Variants in NRG1 observed in about 807,000 individuals in gnomAD.
NRG1 encodes the protein pro-neuregulin-1, membrane-bound isoform.
NRG1 carries 18 observed loss-of-function variants against 63.8 expected under a neutral mutation model. The observed-to-expected ratio is 0.28, with a 90% confidence interval of 0.19 to 0.42. The LOEUF is 0.42. NRG1 is among the 10% of genes least tolerant of loss of function. NRG1 has a pLI of 1.00. For missense variants in NRG1, 762 were observed against 814.7 expected (o/e 0.94, Z 0.79); for synonymous variants, 302 against 301.3 (o/e 1.00, Z -0.02).
intron 1 of NRG1, chr8:32,099,828 A>G (rs929064419): frequency 3.9e-5 from 6 of 152,220 alleles, no homozygotes. Context: ...AAAAGCATGA[A>G]GTTGTACTGA....
chr8:32,271,667 G>A (rs1328433737), intron 1 of NRG1, among the ~76,000 whole-genome samples: 1 of 152,134 alleles, frequency 6.6e-6, no homozygotes, highest in Non-Finnish European at 1.5e-5. Flanking sequence ...GTACTTAAAG[G>A]CTGATCTTCT....
At chr8:31,811,043 AG>A (rs1177230781) in intron 1 of NRG1, among the ~76,000 whole-genome samples, 4 of 152,186 alleles carry the variant, frequency 2.6e-5, no homozygotes, top group Non-Finnish European at 4.4e-5. Flanking sequence ...AGCCTCCCCG[AG>A]GCAGATGGTT....
chr8:31,742,607 G>A (rs963922724), intron 1 of NRG1, among the ~76,000 whole-genome samples: 2 of 151,356 alleles, frequency 1.3e-5, no homozygotes, highest in African/African-American at 4.9e-5. Flanking sequence ...TATGCTAGCT[G>A]CAATGCTAGA....
chr8:31,835,894 A>G (rs929874495), intron 1 of NRG1, among the ~76,000 whole-genome samples: 8 of 152,204 alleles, frequency 5.3e-5, no homozygotes, highest in Non-Finnish European at 1.0e-4. Context: ...TAAGGTAGCA[A>G]CTAGTTACCT....
intron 1 of NRG1, among the ~76,000 whole-genome samples, chr8:32,160,561 C>T (rs1266238213): frequency 6.6e-6 from 1 of 152,192 alleles, no homozygotes; most frequent in Non-Finnish European, 1.5e-5. Context: ...AATAAGTGAA[C>T]ATCTTCATGT....
chr8:32,494,236 G>A (rs1442644058), intron 1 of NRG1, among the ~76,000 whole-genome samples: 1 of 152,084 alleles, frequency 6.6e-6, no homozygotes, highest in Admixed American at 6.6e-5. Flanking sequence ...CATGTTTATT[G>A]TAGAACATTT....
rs1812576148 is a variant in NRG1 at position 32,397,394 on chromosome 8, C to T, written c.38-198434C>T. Among the ~76,000 whole-genome samples, 12 of 151,920 alleles carry T rather than the reference C, an allele frequency of 7.9e-5. 1 individual carries two copies. The South Asian group carries it at 2.5e-3, about 32-fold the overall frequency. The stretch of plus-strand genomic sequence containing the variant: ...GTTAATATGTATAAAAACTTGGTGC[C>T]TTGTACATAATAAATACTCAATAAA... On this transcript the variant is annotated intron_variant, in intron 1 of 10. Transcript: ENST00000519301.
At chr8:31,923,147 T>A (rs1170190668) in intron 1 of NRG1, among the ~76,000 whole-genome samples, 1 of 152,188 alleles carries the variant, frequency 6.6e-6, no homozygotes, top group East Asian at 1.9e-4. Flanking sequence ...TTTAGAAACC[T>A]TCACTATGTT....
intron 1 of NRG1, among the ~76,000 whole-genome samples, chr8:32,143,285 T>C (rs927666963): frequency 2.0e-5 from 3 of 152,122 alleles, no homozygotes; most frequent in Non-Finnish European, 4.4e-5. Context: ...TATTCCTGGA[T>C]GTTTCACTGA....
chr8:32,380,745 C>T (rs959668317), intron 1 of NRG1, among the ~76,000 whole-genome samples: 9 of 152,012 alleles, frequency 5.9e-5, no homozygotes, highest in South Asian at 4.1e-4. Context: ...CATCTAAGTC[C>T]GTTCACTTTT....
intron 1 of NRG1, among the ~76,000 whole-genome samples, chr8:32,333,329 C>T (rs765505328): frequency 2.0e-5 from 3 of 152,062 alleles, no homozygotes; most frequent in African/African-American, 4.8e-5. Flanking sequence ...TCACTGGCCA[C>T]GTGACATTCA....
Position 31,762,823 on chromosome 8 carries a change from A to G in NRG1, c.37+123392A>G, listed in dbSNP as rs1170030321. ...TATTTAAGAAAATAATGGAGAAAAG[A>G]ACACTTCCCAGCTTGTTTTATGAGG... On this transcript the variant is annotated intron_variant, in intron 1 of 10. Transcript: ENST00000519301. 2.0e-5 allele frequency among the ~76,000 whole-genome samples: 3 copies of G among 152,342 alleles called. No homozygotes were observed. In the East Asian group the frequency reaches 5.8e-4, roughly 29 times the overall value.
exon 12 of NRG1, chr8:32,764,360 G>C (rs1485287055): frequency 1.2e-6 from 2 of 1,611,406 alleles, no homozygotes; most frequent in East Asian, 4.5e-5. Flanking sequence ...TCCAGGCCAG[G>C]CTGTCTAGTG....
In NRG1 at chr8:32,763,163, A is replaced by G. The variant is rs909303061; in HGVS notation, c.1260-585A>G. On this transcript the variant is annotated intron_variant, in intron 11 of 11. Transcript: ENST00000356819. ...GAAAAAATGAAAAGCACACAAATGT[A>G]TGACACTGTTGTCAGGAATAAATCT... is the stretch of plus-strand genomic sequence containing the variant. The G allele has an allele frequency of 1.2e-5, 18 of 1,556,582 alleles. No homozygotes were observed. In the African/African-American group the frequency reaches 1.2e-4, roughly 11 times the overall value.
chr8:32,073,503 T>G (rs1044317337), intron 1 of NRG1, among the ~76,000 whole-genome samples: 6 of 152,176 alleles, frequency 3.9e-5, no homozygotes, highest in African/African-American at 1.4e-4. Flanking sequence ...TATCATGGAA[T>G]TATAAGATAA....
chr8:32,728,589 A>C (rs1388711531), intron 6 of NRG1: 1 of 984,396 alleles, frequency 1.0e-6, no homozygotes, highest in African/African-American at 1.7e-5. Context: ...ACTATTTTTT[A>C]AACGGAGTTT....
chr8:31,808,159 CT>C (rs1586560104), intron 1 of NRG1, among the ~76,000 whole-genome samples: 1 of 151,368 alleles, frequency 6.6e-6, no homozygotes, highest in East Asian at 1.9e-4. Flanking sequence ...TTTTGCTATT[CT>C]TTCATGATTA....
chr8:32,198,017 G>A (rs1315713817), intron 1 of NRG1, among the ~76,000 whole-genome samples: 2 of 152,130 alleles, frequency 1.3e-5, no homozygotes, highest in Non-Finnish European at 2.9e-5. Context: ...TCCTCCTGAG[G>A]ATGAATGAAT....
intron 1 of NRG1, among the ~76,000 whole-genome samples, chr8:32,310,000 T>G (rs1467570390): frequency 6.6e-6 from 1 of 152,220 alleles, no homozygotes; most frequent in Non-Finnish European, 1.5e-5. Flanking sequence ...TCAATGAACT[T>G]GATTCACTGC....
Sources: gnomAD v4.1 joint callset for allele counts (sites outside exome capture counted in the v4.1 genomes callset) on GRCh38, gnomAD v4.1.1 for gene constraint, MANE v1.5 for transcripts, NCBI Gene and HGNC (gene_info 2026-07-23, HGNC 2026-07-21) for gene names.